The following CDH4 variants were observed in gnomAD, a reference collection of about 807,000 sequenced individuals.
The protein encoded by CDH4 is cadherin-4.
In CDH4, 33 loss-of-function variants were observed where a neutral mutation model predicts 86.0. The ratio of observed to expected loss-of-function variants is 0.38; its 90% CI spans 0.29 to 0.51. CDH4 has a LOEUF of 0.51. Ranked by LOEUF, CDH4 falls within the 20% of genes least tolerant of loss-of-function variation. The pLI is 0.86. For synonymous variants in CDH4, 555 were observed against 549.4 expected (o/e 1.01, Z -0.14); for missense variants, 1,114 against 1,307.4 (o/e 0.85, Z 2.28).
At chr20:61,383,746 GATATATGCAT>G (rs1346007804) in intron 2 of CDH4, among the ~76,000 whole-genome samples, 1 of 70,608 alleles carries the variant, frequency 1.4e-5, no homozygotes, top group East Asian at 3.6e-4. Flanking sequence ...TATATATGAA[GATATATGCAT>G]ATATATGAAG....
chr20:61,489,439 G>T (rs982947281), intron 2 of CDH4, among the ~76,000 whole-genome samples: 6 of 152,212 alleles, frequency 3.9e-5, no homozygotes, highest in Non-Finnish European at 7.3e-5. Context: ...AAATTAAAGA[G>T]ATGCAAGAGA....
At chr20:61,767,226 G>C (rs1402921285) in intron 3 of CDH4, among the ~76,000 whole-genome samples, 2 of 152,226 alleles carry the variant, frequency 1.3e-5, no homozygotes. Flanking sequence ...CATTTGCTTT[G>C]TCGTCTCCTG....
intron 7 of CDH4, 34 bp downstream of exon 7, chr20:61,873,934 G>A (rs372678495): frequency 9.8e-5 from 157 of 1,606,196 alleles, no homozygotes; most frequent in Admixed American, 2.5e-4. Context: ...GCAGGCGGGT[G>A]AGCTCCTGGT....
intron 2 of CDH4, among the ~76,000 whole-genome samples, chr20:61,598,760 C>T (rs1320374686): frequency 2.6e-5 from 4 of 152,198 alleles, no homozygotes; most frequent in East Asian, 1.9e-4. Flanking sequence ...GGCTTGCTGA[C>T]GCACCCGAGG....
intron 6 of CDH4, among the ~76,000 whole-genome samples, chr20:61,855,469 C>G (rs530814534): frequency 6.6e-6 from 1 of 152,136 alleles, no homozygotes; most frequent in Admixed American, 6.5e-5. Flanking sequence ...AGGAGCCCCT[C>G]GCAAGGGTGC....
intron 2 of CDH4, among the ~76,000 whole-genome samples, chr20:61,687,344 C>T (rs538407024): frequency 1.3e-5 from 2 of 152,264 alleles, no homozygotes; most frequent in Non-Finnish European, 2.9e-5. Context: ...ACCTCGTCTC[C>T]CTTGTCAGTG....
chr20:61,781,197 A>C (rs1367044881), intron 4 of CDH4, among the ~76,000 whole-genome samples: 1 of 152,142 alleles, frequency 6.6e-6, no homozygotes, highest in Non-Finnish European at 1.5e-5. Context: ...GGTCTCTACA[A>C]GGTTGCATTC....
At chr20:61,776,608 A>C (rs1355527446) in intron 4 of CDH4, among the ~76,000 whole-genome samples, 1 of 152,206 alleles carries the variant, frequency 6.6e-6, no homozygotes, top group East Asian at 1.9e-4. Context: ...ACAGGCCGTG[A>C]GCGGAAGGAG....
intron 2 of CDH4, among the ~76,000 whole-genome samples, chr20:61,664,042 G>A (rs540670140): frequency 1.3e-5 from 2 of 152,274 alleles, no homozygotes; most frequent in South Asian, 4.2e-4. Context: ...GGGGTCCAAG[G>A]GCATTGTGTG....
intron 4 of CDH4, among the ~76,000 whole-genome samples, chr20:61,817,021 C>T (rs1980753794): frequency 6.6e-6 from 1 of 152,252 alleles, no homozygotes; most frequent in Non-Finnish European, 1.5e-5. Context: ...TTGGCCGCCG[C>T]ATGGAAGAGC....
At chr20:61,626,208 T>C (rs1568720238) in intron 2 of CDH4, among the ~76,000 whole-genome samples, 1 of 152,098 alleles carries the variant, frequency 6.6e-6, no homozygotes, top group Non-Finnish European at 1.5e-5. Flanking sequence ...AACTGTCGAC[T>C]GGGTCAGGGA....
At chr20:61,566,157 C>T (rs1306228328) in intron 2 of CDH4, among the ~76,000 whole-genome samples, 1 of 152,222 alleles carries the variant, frequency 6.6e-6, no homozygotes, top group African/African-American at 2.4e-5. Flanking sequence ...ACTTCTTCCA[C>T]CCCTGCATGG....
intron 4 of CDH4, among the ~76,000 whole-genome samples, chr20:61,817,317 C>T (rs1980769028): frequency 1.3e-5 from 2 of 152,254 alleles, no homozygotes; most frequent in East Asian, 3.9e-4. Context: ...ACCCAGCTCT[C>T]ACCTCTGTGC....
At chr20:61,343,620 A>G (rs2084661016) in intron 2 of CDH4, among the ~76,000 whole-genome samples, 1 of 152,218 alleles carries the variant, frequency 6.6e-6, no homozygotes, top group African/African-American at 2.4e-5. Flanking sequence ...TGCTTGCGGT[A>G]ACAAATGACC....
intron 2 of CDH4, among the ~76,000 whole-genome samples, chr20:61,497,649 C>T (rs999828241): frequency 2.4e-4 from 37 of 152,084 alleles, no homozygotes; most frequent in Non-Finnish European, 4.1e-4. Context: ...GACAGTGTGG[C>T]GATTCCTCAA....
intron 7 of CDH4, among the ~76,000 whole-genome samples, chr20:61,888,595 T>C (rs1057359640): frequency 2.0e-5 from 3 of 152,220 alleles, no homozygotes; most frequent in East Asian, 1.9e-4. Flanking sequence ...TGGACACACA[T>C]TGGTCCACAG....
intron 2 of CDH4, among the ~76,000 whole-genome samples, chr20:61,714,649 G>T (rs1419994394): frequency 6.6e-6 from 1 of 152,156 alleles, no homozygotes; most frequent in African/African-American, 2.4e-5. Flanking sequence ...TACAAGTGAG[G>T]ACATGGAATA....
chr20:61,336,459 C>T (rs1193256282), intron 2 of CDH4, among the ~76,000 whole-genome samples: 1 of 152,118 alleles, frequency 6.6e-6, no homozygotes, highest in Admixed American at 6.5e-5. Context: ...CCTGTGGTGA[C>T]CTGTTTTCTC....
Position 61,269,366 on chromosome 20 carries a change from A to G in CDH4, c.169+14429A>G, listed in dbSNP as rs114668896. Among the ~76,000 whole-genome samples, 593 of 152,218 alleles carry G rather than the reference A, an allele frequency of 3.9e-3. 4 individuals carry two copies. The highest frequency in any genetic ancestry group is 0.014 in the African/African-American group (570 of 41,546). ...AACCAGCCCCCCATGGAGACCTGGT[A>G]TACCCCGTTGCCTGGAGAGTCCACA... On this transcript the variant is annotated intron_variant, in intron 2 of 15. Transcript: ENST00000614565. The surrounding 1 kb of genome is among the most constrained non-coding windows in gnomAD (Gnocchi z 5.3).
Sources: allele counts gnomAD v4.1 joint callset (sites outside exome capture counted in the v4.1 genomes callset), GRCh38; gene constraint gnomAD v4.1.1; non-coding constraint Gnocchi (gnomAD v3.1); transcripts MANE v1.5; gene names NCBI Gene and HGNC (gene_info 2026-07-23, HGNC 2026-07-21).